Variants in NME5 observed in about 807,000 individuals in gnomAD.
The protein encoded by NME5 is NME/NM23 family member 5, also known as nucleoside diphosphate kinase 5.
Under a neutral mutation model 21.6 loss-of-function variants are expected in NME5, and 18 were observed. The ratio of observed to expected loss-of-function variants is 0.83; its 90% CI spans 0.58 to 1.24. The LOEUF (loss-of-function observed/expected upper bound fraction) is 1.24, where lower values mean the gene tolerates loss of function less well. NME5 is among the 50% of genes most tolerant of loss of function. The pLI, the probability that NME5 is intolerant of heterozygous loss-of-function variation, is 0.00. For synonymous variants in NME5, 70 were observed against 80.6 expected (o/e 0.87, Z 0.71); for missense variants, 223 against 255.4 (o/e 0.87, Z 0.86).
chr5:138,126,524 A>AAG (rs1263425910), intron 4 of NME5, among the ~76,000 whole-genome samples: 4 of 150,666 alleles, frequency 2.7e-5, no homozygotes, highest in Admixed American at 2.0e-4. Context: ...AAAAAAAAAA[A>AAG]AAAAAAAAAA....
intron 2 of NME5, among the ~76,000 whole-genome samples, chr5:138,135,232 G>A (rs1751669727): frequency 6.9e-6 from 1 of 145,472 alleles, no homozygotes; most frequent in Non-Finnish European, 1.5e-5. Context: ...GCAGGAGAAT[G>A]GCGTGAACCT....
chr5:138,124,624 G>C (rs1462619469), intron 4 of NME5, among the ~76,000 whole-genome samples: 1 of 152,116 alleles, frequency 6.6e-6, no homozygotes, highest in Non-Finnish European at 1.5e-5. Flanking sequence ...GGGCTCAAGT[G>C]AATCTCCCAC....
Position 138,123,752 on chromosome 5 carries a change from T to C in NME5, c.436+4727A>G, listed in dbSNP as rs1311460283. ...CAGATATATATATCCAGCAGTGGGA[T>C]TGTTAGATCATGTAACAGTTTTATT... On this transcript the variant is annotated intron_variant, in intron 4 of 5. Transcript: ENST00000265191. Among the ~76,000 whole-genome samples the C allele has an allele frequency of 3.3e-5, 5 of 152,146 alleles. No individual in the cohort carries two copies. The East Asian group carries it at 9.6e-4, about 29-fold the overall frequency.
At position 138,136,652 on chromosome 5, in the gene NME5, A is replaced by T. The variant is rs568812936; in HGVS notation, c.129+2000T>A. Among the ~76,000 whole-genome samples the T allele has an allele frequency of 9.8e-3, 1,472 of 150,290 alleles. 26 individuals are homozygous for T. Among genetic ancestry groups the T allele is most frequent in the African/African-American group, 0.032 (1,326 of 41,090 alleles). ...TATAATCTTTTTTTAAATTAAAAAA[A>T]TTTTTTTTTTCGAGAGTTTCGCTCT... On this transcript the variant is annotated intron_variant, in intron 2 of 5. Transcript: ENST00000265191.
At chr5:138,136,418 C>T (rs1751698306) in intron 2 of NME5, among the ~76,000 whole-genome samples, 1 of 152,150 alleles carries the variant, frequency 6.6e-6, no homozygotes, top group Non-Finnish European at 1.5e-5. Flanking sequence ...AGCATCTTTT[C>T]ATATATTTAA....
At chr5:138,125,606 G>C (rs762745655) in intron 4 of NME5, among the ~76,000 whole-genome samples, 10 of 152,044 alleles carry the variant, frequency 6.6e-5, no homozygotes, top group Non-Finnish European at 1.3e-4. Flanking sequence ...GGAAAGAAGA[G>C]AGCATTACTT....
In NME5 at chr5:138,130,597, T is replaced by G. The variant is rs927307787; in HGVS notation, c.130-1129A>C. 1.8e-4 allele frequency among the ~76,000 whole-genome samples: 28 copies of G among 152,118 alleles called. 1 individual carries two copies. The highest frequency in any genetic ancestry group is 6.3e-4 in the African/African-American group (26 of 41,430). On this transcript the variant is annotated intron_variant, in intron 2 of 5. Coordinates refer to ENST00000265191, the MANE Select transcript of NME5 (RefSeq NM_003551.3). Reference sequence around the variant, plus strand: ...TGAGGTCAGGGGTTCGAGAACAGTCTGGCCAACATAGTGAAACCCCATCTC... The same window carrying G: ...TGAGGTCAGGGGTTCGAGAACAGTCGGGCCAACATAGTGAAACCCCATCTC...
intron 1 of NME5, chr5:138,139,045 C>A: frequency 4.3e-6 from 1 of 232,188 alleles, no homozygotes; most frequent in Non-Finnish European, 8.2e-6. Flanking sequence ...TATGGGCTCA[C>A]ATAACCAGAG....
At chr5:138,124,271 G>A (rs774122520) in intron 4 of NME5, among the ~76,000 whole-genome samples, 4 of 151,966 alleles carry the variant, frequency 2.6e-5, no homozygotes, top group Non-Finnish European at 5.9e-5. Flanking sequence ...CCAAAGAGCT[G>A]GGATTACAGG....
chr5:138,134,046 T>C (rs574536437), intron 2 of NME5, among the ~76,000 whole-genome samples: 1 of 152,336 alleles, frequency 6.6e-6, no homozygotes, highest in South Asian at 2.1e-4. Flanking sequence ...CTGCCTTTGC[T>C]CTGAAAGTTA....
intron 3 of NME5, among the ~76,000 whole-genome samples, chr5:138,128,973 T>A (rs1422686395): frequency 6.6e-6 from 1 of 152,228 alleles, no homozygotes; most frequent in African/African-American, 2.4e-5. Context: ...TTTTTCCATC[T>A]AAAAATCCTA....
intron 4 of NME5, 98 bp from the exon 5 acceptor site, chr5:138,119,034 T>C: frequency 1.4e-6 from 1 of 695,232 alleles, no homozygotes; most frequent in South Asian, 2.0e-5. Context: ...CTCTATTTTT[T>C]TATATGTTTT....
rs1166672464 is a variant in NME5 at position 138,115,502 on chromosome 5, A to G, written c.*179T>C. The G allele has an allele frequency of 7.0e-6, 3 of 427,692 alleles. No individual in the cohort carries two copies. The highest frequency in any genetic ancestry group is 5.8e-5 in the South Asian group (1 of 17,156). The allele number at this position is 427,692 out of a possible 1,614,324, so 26.5% of individuals were successfully genotyped here. The stretch of plus-strand genomic sequence containing the variant: ...ATTGTTAAAATCATACTCTAAGCCT[A>G]TATTTTACCTTAATGTTATCTGCTT... On this transcript the variant is annotated 3_prime_UTR_variant, in exon 6 of 6. Transcript: ENST00000265191.
At position 138,118,774 on chromosome 5, in the gene NME5, G is replaced by A. The variant is rs529539546; in HGVS notation, c.555+44C>T. 37 of 1,336,450 alleles carry A rather than the reference G, an allele frequency of 2.8e-5. No homozygotes were observed. The South Asian group carries it at 2.9e-4, about 11-fold the overall frequency. The allele number at this position is 1,336,450 out of a possible 1,614,324, so 82.8% of individuals were successfully genotyped here. A position where few individuals can be genotyped will look rare whatever the true frequency, so the allele number is the denominator to read the frequency against. On this transcript the variant is annotated intron_variant, in intron 5 of 5. Transcript: ENST00000265191. ...TGGGATTACAGGCATGAGCCACCAC[G>A]CCTGGTGACAATATTCTTAAGTGTG...
intron 2 of NME5, among the ~76,000 whole-genome samples, chr5:138,137,673 G>C (rs2151172612): frequency 6.6e-6 from 1 of 151,368 alleles, no homozygotes; most frequent in South Asian, 2.1e-4. Context: ...TGTATAAATG[G>C]GAGAAAATAA....
At chr5:138,118,744 A>C in intron 5 of NME5, 74 bp downstream of exon 5, 1 of 983,342 alleles carries the variant, frequency 1.0e-6, no homozygotes, top group Non-Finnish European at 1.6e-6. Context: ...GGCCTCCCAA[A>C]GTGCTGGGAT....
intron 2 of NME5, among the ~76,000 whole-genome samples, chr5:138,133,592 T>G (rs1241753447): frequency 6.6e-6 from 1 of 152,146 alleles, no homozygotes; most frequent in African/African-American, 2.4e-5. Flanking sequence ...CCAAGTACTA[T>G]CAGAACAGAA....
intron 4 of NME5, among the ~76,000 whole-genome samples, chr5:138,122,103 CTTTG>C (rs1282655201): frequency 1.3e-5 from 2 of 152,004 alleles, no homozygotes; most frequent in Non-Finnish European, 2.9e-5. Context: ...CAGCAATGTT[CTTTG>C]TTTTTCAGTG....
intron 4 of NME5, among the ~76,000 whole-genome samples, chr5:138,121,645 A>T (rs1751287891): frequency 6.6e-6 from 1 of 152,154 alleles, no homozygotes; most frequent in Non-Finnish European, 1.5e-5. Context: ...CTGTTCCAAT[A>T]ATCTATATGT....
Sources: allele counts gnomAD v4.1 joint callset (sites outside exome capture counted in the v4.1 genomes callset), GRCh38; gene constraint gnomAD v4.1.1; transcripts MANE v1.5; gene names NCBI Gene and HGNC (gene_info 2026-07-23, HGNC 2026-07-21).